The following EPM2A variants were observed in gnomAD, a reference collection of about 807,000 sequenced individuals.
EPM2A encodes the protein EPM2A glucan phosphatase, laforin.
A neutral mutation model predicts 26.5 loss-of-function variants in EPM2A; 21 were observed. The observed-to-expected ratio is 0.79, with a 90% CI of 0.56 to 1.14. The LOEUF (loss-of-function observed/expected upper bound fraction) is 1.14. Among genes scored for constraint, EPM2A ranks in the 50% most tolerant of loss-of-function variants. EPM2A has a pLI of 0.00. For synonymous variants in EPM2A, 217 were observed against 177.6 expected, an observed-to-expected ratio of 1.22 and a Z score of -1.76; for missense variants, 458 against 440.8, an observed-to-expected ratio of 1.04 and a Z score of -0.35.
At chr6:145,708,290 G>A (rs139602120) in intron 1 of EPM2A, among the ~76,000 whole-genome samples, 146 of 152,318 alleles carry the variant, frequency 9.6e-4, no homozygotes, top group African/African-American at 3.3e-3. Flanking sequence ...AAGTAATGAT[G>A]AGCCAAAGGT....
intron 4 of EPM2A, among the ~76,000 whole-genome samples, chr6:145,475,571 C>T (rs2114729074): frequency 6.6e-6 from 1 of 151,704 alleles, no homozygotes; most frequent in South Asian, 2.1e-4. Context: ...ATGTAACAAA[C>T]CTGCACGTTC....
intron 1 of EPM2A, among the ~76,000 whole-genome samples, chr6:145,692,979 G>A (rs1781368311): frequency 1.3e-5 from 2 of 151,886 alleles, no homozygotes; most frequent in South Asian, 2.1e-4. Context: ...TAGGAATAGG[G>A]TTGAATCTAT....
intron 4 of EPM2A, among the ~76,000 whole-genome samples, chr6:145,472,103 C>T (rs1237095220): frequency 6.6e-6 from 1 of 151,532 alleles, no homozygotes; most frequent in Non-Finnish European, 1.5e-5. Context: ...CAGTCAGAGT[C>T]ATGAGGCCCC....
At chr6:145,399,348 A>G (rs1778450740) in intron 4 of EPM2A, among the ~76,000 whole-genome samples, 1 of 152,214 alleles carries the variant, frequency 6.6e-6, no homozygotes, top group African/African-American at 2.4e-5. Context: ...TCAACAGCCT[A>G]CACAAGAAGA....
chr6:145,411,873 G>A (rs1373099003), intron 4 of EPM2A, among the ~76,000 whole-genome samples: 1 of 152,056 alleles, frequency 6.6e-6, no homozygotes, highest in African/African-American at 2.4e-5. Context: ...ATAGAGCAAG[G>A]GGAAGGTGTG....
At chr6:145,455,653 G>A (rs1219678422) in intron 4 of EPM2A, among the ~76,000 whole-genome samples, 3 of 152,026 alleles carry the variant, frequency 2.0e-5, no homozygotes, top group East Asian at 3.9e-4. Flanking sequence ...CACCGCATCC[G>A]GCAATAACTA....
intron 4 of EPM2A, among the ~76,000 whole-genome samples, chr6:145,393,154 C>G (rs1778360077): frequency 6.6e-6 from 1 of 152,094 alleles, no homozygotes; most frequent in Non-Finnish European, 1.5e-5. Flanking sequence ...TGGCTGGACT[C>G]TAAAAGGCCT....
intron 2 of EPM2A, among the ~76,000 whole-genome samples, chr6:145,588,731 TTAAAG>T (rs751897704): frequency 7.9e-5 from 12 of 152,212 alleles, no homozygotes; most frequent in East Asian, 7.7e-4. Flanking sequence ...TTTAAAATGA[TTAAAG>T]TATAGTTTGT....
intron 2 of EPM2A, among the ~76,000 whole-genome samples, chr6:145,526,921 G>A (rs886185282): frequency 5.9e-5 from 9 of 151,832 alleles, no homozygotes; most frequent in Non-Finnish European, 8.9e-5. Flanking sequence ...CAGGTGTTTC[G>A]TGCTGTCAAC....
At chr6:145,623,257 T>G (rs1775675289), downstream of EPM2A, among the ~76,000 whole-genome samples, 1 of 152,216 alleles carries the variant, frequency 6.6e-6, no homozygotes, top group South Asian at 2.1e-4. Context: ...GTAACTTATG[T>G]AATATGTAGG....
At chr6:145,666,622 C>G (rs1779215173) in intron 2 of EPM2A, among the ~76,000 whole-genome samples, 1 of 98,694 alleles carries the variant, frequency 1.0e-5, no homozygotes. Context: ...CCATCCCCAT[C>G]AAGCTACCAA....
intron 4 of EPM2A, among the ~76,000 whole-genome samples, chr6:145,425,313 A>G (rs1234299624): frequency 6.6e-6 from 1 of 152,022 alleles, no homozygotes; most frequent in Non-Finnish European, 1.5e-5. Context: ...AGCTGGGATT[A>G]CAGGCATCCA....
chr6:145,547,857 T>C (rs1163957061), intron 2 of EPM2A, among the ~76,000 whole-genome samples: 2 of 152,056 alleles, frequency 1.3e-5, no homozygotes, highest in Non-Finnish European at 2.9e-5. Flanking sequence ...ATCAAGATAT[T>C]TACTTTCCTT....
intron 3 of EPM2A, among the ~76,000 whole-genome samples, chr6:145,502,097 A>G (rs551802292): frequency 3.3e-5 from 5 of 152,376 alleles, no homozygotes; most frequent in South Asian, 4.1e-4. Flanking sequence ...TTAAGCAAAG[A>G]AACAAAGGCA....
chr6:145,552,678 CACTG>C (rs962613946), intron 2 of EPM2A, among the ~76,000 whole-genome samples: 3 of 151,886 alleles, frequency 2.0e-5, no homozygotes, highest in African/African-American at 7.3e-5. Context: ...AAGTAAGAAC[CACTG>C]ACTGTAAAAC....
intron 4 of EPM2A, among the ~76,000 whole-genome samples, chr6:145,468,348 C>T (rs1052699406): frequency 2.0e-5 from 3 of 152,062 alleles, no homozygotes; most frequent in Non-Finnish European, 2.9e-5. Context: ...ATAAAAGCCA[C>T]CAAAGCTAAA....
intron 2 of EPM2A, chr6:145,637,422 ACTAT>A (rs1463084176): frequency 6.6e-6 from 1 of 152,018 alleles, no homozygotes; most frequent in Non-Finnish European, 1.5e-5. Flanking sequence ...AAGATCTGGC[ACTAT>A]CTGTCTAAAG....
chr6:145,722,649 T>C (rs1776002358), intron 1 of EPM2A: 1 of 385,168 alleles, frequency 2.6e-6, no homozygotes, highest in Admixed American at 3.4e-5. Context: ...GGTTGAGCTG[T>C]GTCCCCCAAA....
At chr6:145,716,117 G>A (rs907065482) in intron 1 of EPM2A, among the ~76,000 whole-genome samples, 2 of 152,138 alleles carry the variant, frequency 1.3e-5, no homozygotes, top group Non-Finnish European at 2.9e-5. Context: ...CACTCATGTG[G>A]AATCAACATA....
Sources: gnomAD v4.1 joint callset for allele counts (sites outside exome capture counted in the v4.1 genomes callset) on GRCh38, gnomAD v4.1.1 for gene constraint, MANE v1.5 for transcripts, NCBI Gene and HGNC (gene_info 2026-07-23, HGNC 2026-07-21) for gene names.